ST3GAL6: variants seen among roughly 807,000 people sequenced by gnomAD.
ST3GAL6 encodes type 2 lactosamine alpha-2,3-sialyltransferase.
ST3GAL6 carries 31 observed loss-of-function variants against 40.5 expected under a neutral mutation model. The ratio of observed to expected loss-of-function variants is 0.77; its 90% CI spans 0.58 to 1.03. The LOEUF is 1.03. ST3GAL6 is among the 50% of genes least tolerant of loss of function. The pLI, the probability that ST3GAL6 is intolerant of heterozygous loss-of-function variation, is 0.00. For missense variants in ST3GAL6, 357 were observed against 393.2 expected, an observed-to-expected ratio of 0.91 and a Z score of 0.78; for synonymous variants, 129 against 136.9, an observed-to-expected ratio of 0.94 and a Z score of 0.40.
chr3:98,741,588 G>T (rs1454912012), intron 1 of ST3GAL6, among the ~76,000 whole-genome samples: 5 of 152,266 alleles, frequency 3.3e-5, no homozygotes, highest in African/African-American at 1.2e-4. Flanking sequence ...AGCATTTCAG[G>T]AGATAAGGCA....
chr3:98,733,587 G>A (rs1377045233), intron 1 of ST3GAL6: 2 of 985,354 alleles, frequency 2.0e-6, no homozygotes, highest in African/African-American at 3.5e-5. Context: ...GGAGAAAGGA[G>A]GACGGTGAGT....
chr3:98,772,897 C>G lies in ST3GAL6; in HGVS notation c.252C>G (p.Pro84=). 6.2e-7 allele frequency: 1 copy of G among 1,611,352 alleles called. No individual in the cohort carries two copies. The highest frequency in any genetic ancestry group is 8.5e-7 in the Non-Finnish European group (1 of 1,177,844). Residue 84 remains proline (P), a synonymous_variant, in exon 4 of 10, where the codon CCC becomes CCG. Transcript: ENST00000483910. Reference sequence around the variant, plus strand: ...ATGGTAGCGATAAGTTTGATTTGCCCTATGGGATGAGAACATCAGGTCAGT... The same window carrying G: ...ATGGTAGCGATAAGTTTGATTTGCCGTATGGGATGAGAACATCAGGTCAGT... ...SLYGSDKFDL[P]YGMRTSAEYF...
At chr3:98,750,243 T>C (rs901639469) in intron 1 of ST3GAL6, among the ~76,000 whole-genome samples, 2 of 152,244 alleles carry the variant, frequency 1.3e-5, no homozygotes, top group Non-Finnish European at 2.9e-5. Flanking sequence ...ACCATTCTTC[T>C]ATGGAAGTGA....
chr3:98,751,457 T>C lies in ST3GAL6; in HGVS notation c.-11-16973T>C, dbSNP rs868815237. Among the ~76,000 whole-genome samples, 20 of 152,342 alleles carry C rather than the reference T, an allele frequency of 1.3e-4. 1 individual carries two copies. Among genetic ancestry groups the C allele is most frequent in the African/African-American group, 4.6e-4 (19 of 41,582 alleles). ...ACTCCTTTGCTTTTCTCTTGATTTC[T>C]AAATGGGTTTGCTACTTAACACTTC... On this transcript the variant is annotated intron_variant, in intron 1 of 9. Coordinates refer to the ST3GAL6 transcript ENST00000265261.
At chr3:98,754,886 A>G (rs564314463) in intron 1 of ST3GAL6, among the ~76,000 whole-genome samples, 3 of 152,332 alleles carry the variant, frequency 2.0e-5, no homozygotes, top group East Asian at 3.9e-4. Context: ...TTTAGACACA[A>G]TGCTATTACT....
intron 1 of ST3GAL6, among the ~76,000 whole-genome samples, chr3:98,738,691 A>C (rs555955689): frequency 6.6e-6 from 1 of 152,260 alleles, no homozygotes; most frequent in Non-Finnish European, 1.5e-5. Flanking sequence ...ATATGCAGCC[A>C]ACACAGGAGC....
At chr3:98,751,684 A>G (rs1937017740) in intron 1 of ST3GAL6, among the ~76,000 whole-genome samples, 1 of 152,192 alleles carries the variant, frequency 6.6e-6, no homozygotes. Context: ...ACCTTAAGCA[A>G]AACATTTTTG....
intron 1 of ST3GAL6, among the ~76,000 whole-genome samples, chr3:98,766,756 G>A (rs1359473380): frequency 2.0e-5 from 3 of 152,126 alleles, no homozygotes; most frequent in Non-Finnish European, 2.9e-5. Flanking sequence ...TTAAATGTTT[G>A]ATTTGAGCAT....
chr3:98,782,130 A>G (rs1940190024), intron 5 of ST3GAL6: 1 of 657,162 alleles, frequency 1.5e-6, no homozygotes, highest in Middle Eastern at 2.5e-4. Context: ...CCTTTGATAA[A>G]GTTGGCTTTC....
intron 2 of ST3GAL6, among the ~76,000 whole-genome samples, chr3:98,768,924 T>G (rs1442581776): frequency 1.3e-5 from 2 of 152,206 alleles, no homozygotes; most frequent in African/African-American, 4.8e-5. Flanking sequence ...TTTGTTTAAA[T>G]ATATTTGGTG....
intron 1 of ST3GAL6, among the ~76,000 whole-genome samples, chr3:98,747,269 A>G (rs1406114840): frequency 3.3e-5 from 5 of 152,162 alleles, no homozygotes; most frequent in Non-Finnish European, 7.4e-5. Context: ...TCTCTTCAAT[A>G]TGTTTTGTTT....
intron 1 of ST3GAL6, among the ~76,000 whole-genome samples, chr3:98,740,566 GT>G (rs1459647300): frequency 1.3e-5 from 2 of 152,010 alleles, no homozygotes; most frequent in Non-Finnish European, 2.9e-5. Flanking sequence ...AACGTGTTCA[GT>G]TTCCAGCTTC....
chr3:98,779,272 G>C (rs181140248), intron 5 of ST3GAL6, among the ~76,000 whole-genome samples: 9 of 152,304 alleles, frequency 5.9e-5, no homozygotes, highest in Admixed American at 5.9e-4. Flanking sequence ...GCATCTAATA[G>C]ACTTCCCTAA....
chr3:98,782,603 C>T (rs1940242994), intron 5 of ST3GAL6: 1 of 502,126 alleles, frequency 2.0e-6, no homozygotes, highest in Non-Finnish European at 3.7e-6. Context: ...CTGGGGTCAT[C>T]CAAACCAGTA....
intron 1 of ST3GAL6, among the ~76,000 whole-genome samples, chr3:98,756,759 C>T (rs1459373939): frequency 6.6e-6 from 1 of 152,138 alleles, no homozygotes; most frequent in African/African-American, 2.4e-5. Context: ...CACAGTTGAG[C>T]TATGAGAGTC....
chr3:98,780,355 TC>T (rs1201764653), intron 5 of ST3GAL6, among the ~76,000 whole-genome samples: 1 of 152,186 alleles, frequency 6.6e-6, no homozygotes, highest in African/African-American at 2.4e-5. Flanking sequence ...CTTTGCAATA[TC>T]CTTTACCAGG....
intron 1 of ST3GAL6, among the ~76,000 whole-genome samples, chr3:98,735,962 A>T (rs1405488404): frequency 1.3e-5 from 2 of 152,070 alleles, no homozygotes; most frequent in African/African-American, 4.8e-5. Flanking sequence ...CAGGAACTTG[A>T]CTGTCGTATA....
At chr3:98,790,460 T>G (rs1288246426) in intron 8 of ST3GAL6, among the ~76,000 whole-genome samples, 2 of 152,124 alleles carry the variant, frequency 1.3e-5, no homozygotes, top group Admixed American at 1.3e-4. Context: ...AAAATAAAGA[T>G]TAACTAGTCA....
intron 1 of ST3GAL6, among the ~76,000 whole-genome samples, chr3:98,745,039 T>G (rs1202769329): frequency 6.6e-6 from 1 of 151,946 alleles, no homozygotes; most frequent in Admixed American, 6.6e-5. Flanking sequence ...TTTTATTTAT[T>G]TATTTATTTT....
Sources: allele counts gnomAD v4.1 joint callset (sites outside exome capture counted in the v4.1 genomes callset), GRCh38; gene constraint gnomAD v4.1.1; transcripts MANE v1.5; gene names NCBI Gene and HGNC (gene_info 2026-07-23, HGNC 2026-07-21).